RANBP17: variants seen among roughly 807,000 people sequenced by gnomAD.
RANBP17 encodes RAN binding protein 17.
A neutral mutation model predicts 141.2 loss-of-function variants in RANBP17; 158 were observed. That is an observed-to-expected ratio of 1.12 (90% CI 0.98 to 1.28). RANBP17 has a LOEUF of 1.28. Among genes scored for constraint, RANBP17 ranks in the 50% most tolerant of loss-of-function variants. RANBP17 has a pLI of 0.00. For missense variants in RANBP17, 1,438 were observed against 1,290.7 expected, an observed-to-expected ratio of 1.11 and a Z score of -1.75; for synonymous variants, 430 against 450.0, an observed-to-expected ratio of 0.96 and a Z score of 0.56.
intron 14 of RANBP17, among the ~76,000 whole-genome samples, chr5:171,010,139 A>G (rs944533812): frequency 9.2e-5 from 14 of 152,160 alleles, no homozygotes; most frequent in Admixed American, 9.2e-4. Context: ...CATGCGGGAC[A>G]AGATTCCAGG....
chr5:171,252,325 G>T, intron 24 of RANBP17: 4 of 1,544,772 alleles, frequency 2.6e-6, no homozygotes, highest in Non-Finnish European at 3.6e-6. Context: ...CCCAATGCGG[G>T]TTCATGAGAT....
At chr5:170,944,571 A>G (rs984179926) in intron 12 of RANBP17, among the ~76,000 whole-genome samples, 1 of 152,188 alleles carries the variant, frequency 6.6e-6, no homozygotes, top group African/African-American at 2.4e-5. Flanking sequence ...ACCAGCTCCA[A>G]TAATAATGTC....
intron 14 of RANBP17, among the ~76,000 whole-genome samples, chr5:170,998,020 C>T (rs186638123): frequency 1.3e-4 from 19 of 150,828 alleles, no homozygotes; most frequent in African/African-American, 4.1e-4. Context: ...GAGGCTGAGG[C>T]GGGCGGATCA....
chr5:171,065,258 C>G (rs1055458144), intron 14 of RANBP17, among the ~76,000 whole-genome samples: 2 of 151,990 alleles, frequency 1.3e-5, no homozygotes, highest in Non-Finnish European at 2.9e-5. Flanking sequence ...CTTTTTGGCA[C>G]TAGGGACCAG....
intron 14 of RANBP17, among the ~76,000 whole-genome samples, chr5:170,972,175 ATTTTTT>A (rs5873248): frequency 9.9e-6 from 1 of 101,336 alleles, no homozygotes. Context: ...GATCTTTAGG[ATTTTTT>A]TTTTTTTTTT....
intron 12 of RANBP17, among the ~76,000 whole-genome samples, chr5:170,925,425 AT>A (rs1205121632): frequency 6.6e-6 from 1 of 152,156 alleles, no homozygotes; most frequent in Non-Finnish European, 1.5e-5. Flanking sequence ...TGTAAATTAA[AT>A]GGGGACAACT....
At chr5:171,278,932 G>T (rs1275874617) in intron 25 of RANBP17, among the ~76,000 whole-genome samples, 1 of 152,080 alleles carries the variant, frequency 6.6e-6, no homozygotes, top group Admixed American at 6.6e-5. Context: ...CGATATGCAG[G>T]TACCACTTTT....
At chr5:171,252,638 A>G in intron 24 of RANBP17, 1 of 1,362,484 alleles carries the variant, frequency 7.3e-7, no homozygotes, top group East Asian at 2.3e-5. Flanking sequence ...AAACTCTCTT[A>G]CCAGGTAGTT....
intron 5 of RANBP17, chr5:170,904,566 T>C (rs998079927): frequency 2.0e-5 from 3 of 152,224 alleles, no homozygotes; most frequent in African/African-American, 7.2e-5. Context: ...TTTTTCATAT[T>C]AGGAAATATT....
At chr5:170,919,341 A>G in intron 10 of RANBP17, 100 bp from the exon 11 acceptor site, 1 of 872,202 alleles carries the variant, frequency 1.1e-6, no homozygotes, top group Non-Finnish European at 1.7e-6. Flanking sequence ...TAGTAAGAAT[A>G]AAAGTTAATT....
chr5:171,134,780 G>A (rs1757156939), intron 14 of RANBP17, among the ~76,000 whole-genome samples: 1 of 151,316 alleles, frequency 6.6e-6, no homozygotes, highest in Admixed American at 6.6e-5. Flanking sequence ...AATTGACTGG[G>A]CGTTGGTGGC....
At chr5:171,283,803 A>C (rs1767998617) in intron 25 of RANBP17, among the ~76,000 whole-genome samples, 1 of 151,634 alleles carries the variant, frequency 6.6e-6, no homozygotes, top group Admixed American at 6.6e-5. Context: ...CATTCAAAAG[A>C]AAGAGACTGG....
Position 171,183,169 on chromosome 5 carries a change from A to G in RANBP17, c.1868A>G (p.Tyr623Cys), listed in dbSNP as rs765324653. The change falls in exon 17 of 28, where the codon TAT becomes TGT. Residue 623 changes from tyrosine (Y) to cysteine (C), a missense_variant and splice_region_variant. Tyr to Cys is a radical substitution (Grantham distance 194). Transcript: ENST00000523189. ...TTAGATTCCTTAACTTCTATTACTT[A>G]TATCCTTTTAAAAAAACTTGTGAAG... ...LQFLNDLSVGYILLKKLVKID... is the reference protein window; with the variant it reads ...LQFLNDLSVGCILLKKLVKID... 1.3e-6 allele frequency: 2 copies of G among 1,488,354 alleles called. No homozygotes were observed. The highest frequency in any genetic ancestry group is 1.1e-5 in the South Asian group (1 of 88,262). The allele number at this position is 1,488,354 out of a possible 1,614,324, so 92.2% of individuals were successfully genotyped here. A position where few individuals can be genotyped will look rare whatever the true frequency, so the allele number is the denominator to read the frequency against.
At chr5:171,022,899 G>T (rs1780978028) in intron 14 of RANBP17, among the ~76,000 whole-genome samples, 1 of 152,202 alleles carries the variant, frequency 6.6e-6, no homozygotes, top group Admixed American at 6.5e-5. Flanking sequence ...TGGGATGCTA[G>T]CCCCAGTGGT....
chr5:170,983,186 C>T (rs781674863), intron 14 of RANBP17: 11 of 452,598 alleles, frequency 2.4e-5, no homozygotes, highest in South Asian at 2.1e-4. Context: ...GGGAAGCTCT[C>T]GGATAACAGC....
At chr5:170,959,598 G>A (rs754259182) in intron 13 of RANBP17, among the ~76,000 whole-genome samples, 1 of 152,146 alleles carries the variant, frequency 6.6e-6, no homozygotes, top group Non-Finnish European at 1.5e-5. Context: ...AAATCTGCCT[G>A]TAACTTTAGA....
intron 14 of RANBP17, among the ~76,000 whole-genome samples, chr5:170,984,582 C>T (rs1777992645): frequency 6.6e-6 from 1 of 151,986 alleles, no homozygotes; most frequent in East Asian, 1.9e-4. Flanking sequence ...GCTGTGATCA[C>T]ACCAGTGCAT....
intron 14 of RANBP17, among the ~76,000 whole-genome samples, chr5:171,129,191 A>C (rs973983672): frequency 1.3e-5 from 2 of 152,200 alleles, no homozygotes; most frequent in African/African-American, 4.8e-5. Flanking sequence ...GACATGAAGC[A>C]ACAAGTCTAG....
intron 14 of RANBP17, among the ~76,000 whole-genome samples, chr5:171,159,629 A>C (rs1759175051): frequency 6.6e-6 from 1 of 152,176 alleles, no homozygotes; most frequent in African/African-American, 2.4e-5. Context: ...TAATTTAGTA[A>C]AGAAAATTTG....
Sources: allele counts gnomAD v4.1 joint callset (sites outside exome capture counted in the v4.1 genomes callset), GRCh38; gene constraint gnomAD v4.1.1; transcripts MANE v1.5; gene names NCBI Gene and HGNC (gene_info 2026-07-23, HGNC 2026-07-21).